ARK2C: variants seen among roughly 807,000 people sequenced by gnomAD.
The protein encoded by ARK2C is arkadia (RNF111) C-terminal like ring finger ubiquitin ligase 2C.
chr18:46,462,842 C>A, the ARK2C span: 36,715 of 152,268 alleles, frequency 0.24, 5,758 homozygotes, highest in East Asian at 0.73. Context: ...GAGCCAGCTG[C>A]ACCAGCCCTC....
chr18:46,373,601 A>C, the ARK2C span, among the ~76,000 whole-genome samples: 2 of 152,220 alleles, frequency 1.3e-5, no homozygotes, highest in Non-Finnish European at 2.9e-5. Flanking sequence ...ATAGATCCCC[A>C]GTGACGTTGA....
At chr18:46,454,173 T>C in the ARK2C span, among the ~76,000 whole-genome samples, 1 of 131,102 alleles carries the variant, frequency 7.6e-6, no homozygotes, top group Non-Finnish European at 1.6e-5. Flanking sequence ...AGAAGATATA[T>C]AGATTAGACA....
the ARK2C span, among the ~76,000 whole-genome samples, chr18:46,432,892 C>G: frequency 3.9e-5 from 6 of 152,172 alleles, no homozygotes; most frequent in African/African-American, 1.2e-4. Context: ...TTGCAGTGAG[C>G]CGAGATCGCG....
At chr18:46,367,429 G>A in the ARK2C span, among the ~76,000 whole-genome samples, 2 of 152,170 alleles carry the variant, frequency 1.3e-5, no homozygotes, top group African/African-American at 4.8e-5. Context: ...ACCTGAAAAA[G>A]AAGCCGTCTC....
the ARK2C span, among the ~76,000 whole-genome samples, chr18:46,368,385 C>G: frequency 6.6e-6 from 1 of 152,154 alleles, no homozygotes; most frequent in Non-Finnish European, 1.5e-5. Context: ...CCCTAAACCC[C>G]CAGAACCACT....
At chr18:46,442,433 T>G in the ARK2C span, among the ~76,000 whole-genome samples, 1 of 152,178 alleles carries the variant, frequency 6.6e-6, no homozygotes, top group Non-Finnish European at 1.5e-5. Context: ...AGAAGTTTAT[T>G]ATTTAATTTT....
chr18:46,364,224 A>G, the ARK2C span, among the ~76,000 whole-genome samples: 1 of 152,130 alleles, frequency 6.6e-6, no homozygotes, highest in African/African-American at 2.4e-5. Context: ...CTGGGATTAT[A>G]GCCATGAGCC....
chr18:46,394,909 G>A, the ARK2C span, among the ~76,000 whole-genome samples: 1 of 152,224 alleles, frequency 6.6e-6, no homozygotes, highest in South Asian at 2.1e-4. Flanking sequence ...TGCAAACCTG[G>A]AACATTTGAC....
the ARK2C span, among the ~76,000 whole-genome samples, chr18:46,390,167 C>T: frequency 3.2e-3 from 480 of 152,344 alleles, 1 homozygote; most frequent in Non-Finnish European, 5.6e-3. Context: ...TGGGATGAGC[C>T]AGGCTGGCAA....
chr18:46,354,010 G>A, the ARK2C span, among the ~76,000 whole-genome samples: 1 of 152,124 alleles, frequency 6.6e-6, no homozygotes, highest in Non-Finnish European at 1.5e-5. Context: ...ATTCAGCTGG[G>A]GAGAAGACAA....
At chr18:46,334,290 G>C in the ARK2C span, 1 of 1,577,736 alleles carries the variant, frequency 6.3e-7, no homozygotes, top group Non-Finnish European at 8.6e-7. This position sits in a 1 kb window ranked among gnomAD's most constrained non-coding sequence, Gnocchi z 4.4. Context: ...CCTGGTCCAC[G>C]TCGGCTATCT....
At chr18:46,445,410 T>C in the ARK2C span, among the ~76,000 whole-genome samples, 1 of 152,208 alleles carries the variant, frequency 6.6e-6, no homozygotes. Flanking sequence ...TTCCCAGCAC[T>C]GTCTAATCTC....
chr18:46,456,461 C>T, the ARK2C span: 3 of 1,267,446 alleles, frequency 2.4e-6, no homozygotes, highest in Non-Finnish European at 3.5e-6. Context: ...TGTGTCCCTG[C>T]TCCGCTCAGT....
chr18:46,400,064 G>A, the ARK2C span, among the ~76,000 whole-genome samples: 1 of 152,212 alleles, frequency 6.6e-6, no homozygotes, highest in Non-Finnish European at 1.5e-5. Flanking sequence ...GGTCCCTGGA[G>A]CACTGGGACC....
chr18:46,393,306 CTGGGCCGG>C, the ARK2C span, among the ~76,000 whole-genome samples: 1 of 152,216 alleles, frequency 6.6e-6, no homozygotes, highest in Non-Finnish European at 1.5e-5. Context: ...AGCTCTTGTT[CTGGGCCGG>C]TGGAGAGCAG....
chr18:46,417,875 GCGCCTGTAATCC>G, the ARK2C span, among the ~76,000 whole-genome samples: 1 of 151,906 alleles, frequency 6.6e-6, no homozygotes, highest in Non-Finnish European at 1.5e-5. Flanking sequence ...TTGGTGGCAG[GCGCCTGTAATCC>G]CAGCTACTCG....
At chr18:46,383,136 T>C in the ARK2C span, among the ~76,000 whole-genome samples, 3 of 152,156 alleles carry the variant, frequency 2.0e-5, no homozygotes, top group African/African-American at 7.2e-5. Flanking sequence ...TAGGTGCTGG[T>C]TGGGTCAGGC....
chr18:46,458,072 C>T, the ARK2C span: 1 of 152,266 alleles, frequency 6.6e-6, no homozygotes, highest in African/African-American at 2.4e-5. Flanking sequence ...ACAGTGCAGC[C>T]CCATTTCCGG....
the ARK2C span, among the ~76,000 whole-genome samples, chr18:46,376,723 G>A: frequency 8.5e-3 from 1,157 of 136,242 alleles, 10 homozygotes; most frequent in Non-Finnish European, 0.014. Flanking sequence ...CAAGGCTGGA[G>A]TGCAGTGGTG....
Sources: gnomAD v4.1 joint callset for allele counts (sites outside exome capture counted in the v4.1 genomes callset) on GRCh38, gnomAD v4.1.1 for gene constraint, Gnocchi (gnomAD v3.1) non-coding constraint, MANE v1.5 for transcripts, NCBI Gene and HGNC (gene_info 2026-07-23, HGNC 2026-07-21) for gene names.